PTGER4: variants seen among roughly 807,000 people sequenced by gnomAD.
PTGER4 encodes the protein prostaglandin E receptor 4.
Under a neutral mutation model 33.2 loss-of-function variants are expected in PTGER4, and 11 were observed. The observed-to-expected ratio is 0.33, with a 90% CI of 0.21 to 0.55. The LOEUF (loss-of-function observed/expected upper bound fraction) is 0.55, where lower values mean the gene tolerates loss of function less well. Ranked by LOEUF, PTGER4 falls within the 20% of genes least tolerant of loss-of-function variation. The pLI, the probability that PTGER4 is intolerant of heterozygous loss-of-function variation, is 0.92. For missense variants in PTGER4, 481 were observed against 650.2 expected (o/e 0.74, Z 2.83); for synonymous variants, 275 against 281.5 (o/e 0.98, Z 0.23).
the PTGER4 span, among the ~76,000 whole-genome samples, chr5:40,727,920 A>G: frequency 6.6e-6 from 1 of 152,292 alleles, no homozygotes; most frequent in South Asian, 2.1e-4. Flanking sequence ...TTAAGAAGTA[A>G]TTTGCTAATT....
At chr5:40,704,248 C>T in the PTGER4 span, among the ~76,000 whole-genome samples, 2 of 152,118 alleles carry the variant, frequency 1.3e-5, no homozygotes, top group African/African-American at 4.8e-5. Context: ...ATGATTATCT[C>T]AATAAATGTA....
the PTGER4 span, among the ~76,000 whole-genome samples, chr5:40,707,955 C>A: frequency 1.1e-3 from 164 of 152,292 alleles, 1 homozygote; most frequent in East Asian, 0.026. Context: ...GAAATGAAGG[C>A]AGAAATAAAG....
At chr5:40,710,386 A>C in the PTGER4 span, among the ~76,000 whole-genome samples, 5 of 152,272 alleles carry the variant, frequency 3.3e-5, no homozygotes, top group South Asian at 2.1e-4. Flanking sequence ...GATACCATCT[A>C]ACACCAGTTA....
downstream of PTGER4, chr5:40,696,585 G>A: frequency 1.3e-6 from 1 of 779,818 alleles, no homozygotes; most frequent in Non-Finnish European, 1.6e-6. Context: ...AAAGATAGCT[G>A]GGTCTTTGGT....
At chr5:40,741,620 G>A in the PTGER4 span, among the ~76,000 whole-genome samples, 3 of 152,208 alleles carry the variant, frequency 2.0e-5, no homozygotes, top group Middle Eastern at 3.4e-3. Flanking sequence ...ATCTCCTCAC[G>A]CAGCAAGACC....
At chr5:40,740,373 A>T in the PTGER4 span, among the ~76,000 whole-genome samples, 8 of 151,684 alleles carry the variant, frequency 5.3e-5, no homozygotes, top group Non-Finnish European at 1.0e-4. Flanking sequence ...TTGTCCAATA[A>T]AGTTATTTTG....
At chr5:40,696,688 C>G, downstream of PTGER4, 1 of 985,108 alleles carries the variant, frequency 1.0e-6, no homozygotes, top group Middle Eastern at 5.2e-4. Context: ...AAGAGAAGGA[C>G]AGAAGAGAAC....
intron 2 of PTGER4, among the ~76,000 whole-genome samples, chr5:40,686,809 G>A (rs1741334407): frequency 6.6e-6 from 1 of 152,190 alleles, no homozygotes; most frequent in Non-Finnish European, 1.5e-5. Flanking sequence ...GAGGCTGGAG[G>A]ATTGCTTGAG....
the PTGER4 span, among the ~76,000 whole-genome samples, chr5:40,724,490 A>G: frequency 9.5e-4 from 145 of 152,150 alleles, no homozygotes; most frequent in Non-Finnish European, 1.6e-3. Context: ...AAAATTAGCC[A>G]GACATGGTGG....
chr5:40,686,132 A>G (rs948718972), intron 2 of PTGER4, among the ~76,000 whole-genome samples: 6 of 152,228 alleles, frequency 3.9e-5, no homozygotes, highest in Admixed American at 1.3e-4. Flanking sequence ...AGCTGTGTCA[A>G]TTTTGGACTC....
the PTGER4 span, among the ~76,000 whole-genome samples, chr5:40,707,358 A>G: frequency 6.6e-6 from 1 of 152,174 alleles, no homozygotes; most frequent in Non-Finnish European, 1.5e-5. Context: ...AATGGAAAAG[A>G]AAAAAAGGCA....
the PTGER4 span, among the ~76,000 whole-genome samples, chr5:40,701,464 CAA>C: frequency 2.6e-5 from 4 of 151,836 alleles, no homozygotes; most frequent in Admixed American, 2.6e-4. Flanking sequence ...TGAAATAAGA[CAA>C]TCAGACAAAA....
chr5:40,696,974 GAGAGAGAA>G (rs1489351681), downstream of PTGER4, among the ~76,000 whole-genome samples: 5 of 145,824 alleles, frequency 3.4e-5, no homozygotes, highest in Non-Finnish European at 3.0e-5. Flanking sequence ...AAGAAAGAGA[GAGAGAGAA>G]AGAGAGAAAG....
At chr5:40,730,758 C>T in the PTGER4 span, among the ~76,000 whole-genome samples, 1 of 152,140 alleles carries the variant, frequency 6.6e-6, no homozygotes, top group Non-Finnish European at 1.5e-5. Context: ...AGTCCAGCAA[C>T]TTACTAAAGT....
the PTGER4 span, among the ~76,000 whole-genome samples, chr5:40,741,452 T>G: frequency 6.6e-6 from 1 of 152,188 alleles, no homozygotes; most frequent in Non-Finnish European, 1.5e-5. Flanking sequence ...TTTCCCTGGA[T>G]TTACAGAAAT....
the PTGER4 span, among the ~76,000 whole-genome samples, chr5:40,738,836 C>T: frequency 1.3e-5 from 2 of 151,978 alleles, no homozygotes; most frequent in Non-Finnish European, 2.9e-5. Context: ...CTTGGTCATT[C>T]ATATATTTTC....
At chr5:40,687,501 T>G (rs1036712699) in intron 2 of PTGER4, among the ~76,000 whole-genome samples, 2 of 152,218 alleles carry the variant, frequency 1.3e-5, no homozygotes, top group Non-Finnish European at 2.9e-5. Context: ...GAAGCACTAC[T>G]CCGGATGTCC....
At chr5:40,726,561 T>A in the PTGER4 span, among the ~76,000 whole-genome samples, 3 of 146,920 alleles carry the variant, frequency 2.0e-5, no homozygotes, top group African/African-American at 7.4e-5. Context: ...AAAAAAAAAA[T>A]ACTTTCAATT....
intron 2 of PTGER4, among the ~76,000 whole-genome samples, chr5:40,682,096 C>T (rs189202136): frequency 7.9e-5 from 12 of 151,126 alleles, no homozygotes; most frequent in Admixed American, 5.9e-4. Context: ...TTCCCGGAAG[C>T]CTGGGTTTCT....
Sources: allele counts gnomAD v4.1 joint callset (sites outside exome capture counted in the v4.1 genomes callset), GRCh38; gene constraint gnomAD v4.1.1; transcripts MANE v1.5; gene names NCBI Gene and HGNC (gene_info 2026-07-23, HGNC 2026-07-21).